Variants in MIR2052HG observed in about 807,000 individuals in gnomAD.
MIR2052HG encodes the protein MIR2052 host gene.
intron 2 of MIR2052HG, among the ~76,000 whole-genome samples, chr8:74,695,490 A>G (rs1809286170): frequency 6.6e-6 from 1 of 152,184 alleles, no homozygotes; most frequent in East Asian, 1.9e-4. Context: ...AATGGCCTAA[A>G]TGCTCCACTT....
At chr8:74,667,428 A>C (rs1438506449) in intron 2 of MIR2052HG, among the ~76,000 whole-genome samples, 1 of 152,234 alleles carries the variant, frequency 6.6e-6, no homozygotes, top group African/African-American at 2.4e-5. Context: ...AAAATCTAGA[A>C]GTTCTCTTTA....
At chr8:74,711,956 G>C (rs1809472326) in intron 4 of MIR2052HG, among the ~76,000 whole-genome samples, 1 of 152,136 alleles carries the variant, frequency 6.6e-6, no homozygotes, top group South Asian at 2.1e-4. Flanking sequence ...CAGATGGGAG[G>C]CTTCTGGAGA....
chr8:74,676,803 A>G (rs1221603807), intron 2 of MIR2052HG, among the ~76,000 whole-genome samples: 1 of 151,992 alleles, frequency 6.6e-6, no homozygotes, highest in Non-Finnish European at 1.5e-5. Context: ...TGTACTTACA[A>G]CACACACATA....
intron 4 of MIR2052HG, among the ~76,000 whole-genome samples, chr8:74,742,518 T>A (rs1809841075): frequency 6.6e-6 from 1 of 152,182 alleles, no homozygotes; most frequent in South Asian, 2.1e-4. Flanking sequence ...AAATGATGCC[T>A]ATAATTAGGT....
At chr8:74,701,104 G>A (rs1809353194) in intron 2 of MIR2052HG, among the ~76,000 whole-genome samples, 1 of 152,114 alleles carries the variant, frequency 6.6e-6, no homozygotes, top group South Asian at 2.1e-4. Flanking sequence ...GTTGCTTAGA[G>A]AATAAAGAAA....
In MIR2052HG at chr8:74,665,156, C is replaced by T. The variant is rs557891964; in HGVS notation, n.217-37223C>T. Among the ~76,000 whole-genome samples the T allele has an allele frequency of 1.6e-4, 24 of 152,238 alleles. No homozygotes were observed. In the East Asian group the frequency reaches 2.9e-3, roughly 18 times the overall value. On this transcript the variant is annotated intron_variant and non_coding_transcript_variant, in intron 2 of 6. Transcript: ENST00000523442. ...ACACTTACCATCTTCTCCAGAACAC[C>T]GCCATATTTTTAATCTCTGCCTTTT...
intron 2 of MIR2052HG, among the ~76,000 whole-genome samples, chr8:74,652,410 CTGGAG>C (rs1808762935): frequency 6.6e-6 from 1 of 152,164 alleles, no homozygotes. Flanking sequence ...AGTCTAGGCT[CTGGAG>C]TGAAGACCAT....
At chr8:74,678,246 A>G (rs1281450333) in intron 2 of MIR2052HG, among the ~76,000 whole-genome samples, 1 of 152,120 alleles carries the variant, frequency 6.6e-6, no homozygotes, top group Admixed American at 6.6e-5. Flanking sequence ...ATTCTCACAA[A>G]CTTTTCCAGA....
At chr8:74,666,606 A>ATTT (rs1808926574) in intron 2 of MIR2052HG, among the ~76,000 whole-genome samples, 2 of 152,178 alleles carry the variant, frequency 1.3e-5, no homozygotes, top group Admixed American at 1.3e-4. Context: ...GGCTGAATGA[A>ATTT]TGTCTTGTAG....
chr8:74,721,170 C>T (rs1329185642), intron 4 of MIR2052HG, among the ~76,000 whole-genome samples: 1 of 152,060 alleles, frequency 6.6e-6, no homozygotes, highest in Non-Finnish European at 1.5e-5. Flanking sequence ...GATGACTGAC[C>T]CTGACACCTG....
At chr8:74,607,854 T>G (rs1231812446) in intron 1 of MIR2052HG, among the ~76,000 whole-genome samples, 4 of 152,206 alleles carry the variant, frequency 2.6e-5, no homozygotes, top group African/African-American at 9.6e-5. Flanking sequence ...AGGGTACCGC[T>G]TCACCTTTGG....
intron 1 of MIR2052HG, among the ~76,000 whole-genome samples, chr8:74,608,354 A>G (rs1185385273): frequency 6.6e-6 from 1 of 152,224 alleles, no homozygotes; most frequent in Non-Finnish European, 1.5e-5. Flanking sequence ...ATAATTTTTT[A>G]AATTGTAACT....
At chr8:74,693,997 C>T (rs1353244261) in intron 2 of MIR2052HG, among the ~76,000 whole-genome samples, 3 of 152,154 alleles carry the variant, frequency 2.0e-5, no homozygotes, top group Admixed American at 6.5e-5. Flanking sequence ...CCTCCCTATA[C>T]TATTGCAGCT....
intron 2 of MIR2052HG, among the ~76,000 whole-genome samples, chr8:74,635,961 A>C (rs1352885365): frequency 6.6e-6 from 1 of 152,170 alleles, no homozygotes; most frequent in Admixed American, 6.6e-5. Flanking sequence ...TGGGAATTAA[A>C]ACTTTCACAG....
rs1808303869 is a variant in MIR2052HG at position 74,617,584 on chromosome 8, A to T, written n.216+4644A>T. ...GCACATACGTGTATATATCTGTCTC[A>T]CATTTTAAAAATCCAGTTCTTTGTT... On this transcript the variant is annotated intron_variant and non_coding_transcript_variant, in intron 2 of 6. Transcript: ENST00000523442. Among the ~76,000 whole-genome samples the T allele has an allele frequency of 3.3e-5, 5 of 151,992 alleles. No homozygotes were observed. In the South Asian group the frequency reaches 1.0e-3, roughly 32 times the overall value.
chr8:74,676,739 C>T (rs1355394917), intron 2 of MIR2052HG, among the ~76,000 whole-genome samples: 4 of 151,646 alleles, frequency 2.6e-5, no homozygotes, highest in Admixed American at 6.6e-5. Context: ...TGGTGACTAC[C>T]GTTAATAATA....
At chr8:74,750,230 T>G (rs1226225423) in intron 4 of MIR2052HG, among the ~76,000 whole-genome samples, 1 of 152,258 alleles carries the variant, frequency 6.6e-6, no homozygotes, top group African/African-American at 2.4e-5. Context: ...ACATATGCCT[T>G]TGTAAGATAT....
chr8:74,719,104 A>G (rs1020015946), intron 4 of MIR2052HG, among the ~76,000 whole-genome samples: 5 of 151,530 alleles, frequency 3.3e-5, no homozygotes, highest in African/African-American at 1.2e-4. Flanking sequence ...GTGCACGTAG[A>G]AAATACTCAC....
chr8:74,736,130 AT>A (rs1204444224), intron 4 of MIR2052HG, among the ~76,000 whole-genome samples: 1 of 152,156 alleles, frequency 6.6e-6, no homozygotes, highest in Non-Finnish European at 1.5e-5. Context: ...AAGTTTCTTG[AT>A]CTGTGAAACA....
Sources: gnomAD v4.1 joint callset for allele counts (sites outside exome capture counted in the v4.1 genomes callset) on GRCh38, gnomAD v4.1.1 for gene constraint, MANE v1.5 for transcripts, NCBI Gene and HGNC (gene_info 2026-07-23, HGNC 2026-07-21) for gene names.